Variants in CREB3L2 observed in about 807,000 individuals in gnomAD.
The protein encoded by CREB3L2 is cAMP responsive element binding protein 3 like 2, also known as cyclic AMP-responsive element-binding protein 3-like protein 2.
A neutral mutation model predicts 57.2 loss-of-function variants in CREB3L2; 23 were observed. The ratio of observed to expected loss-of-function variants is 0.40; its 90% CI spans 0.29 to 0.57. CREB3L2 has a LOEUF of 0.57. CREB3L2 is among the 20% of genes least tolerant of loss of function. The pLI is 0.42. For synonymous variants in CREB3L2, 268 were observed against 265.1 expected, an observed-to-expected ratio of 1.01 and a Z score of -0.11; for missense variants, 628 against 634.7, an observed-to-expected ratio of 0.99 and a Z score of 0.11.
At chr7:137,913,526 AAAG>A (rs1366640766) in intron 3 of CREB3L2, among the ~76,000 whole-genome samples, 1 of 151,596 alleles carries the variant, frequency 6.6e-6, no homozygotes, top group Non-Finnish European at 1.5e-5. Context: ...AAAAAAGAAA[AAAG>A]AAAAAAAAAG....
rs10534110 is a variant in CREB3L2, at chr7:137,876,331, CGTGTGTGTGTGTGTGTGTGTGTGTGT to C, written c.*4119_*4144del. ...TGAGCATGTAAGGGAGGAATGTGCA[CGTGTGTGTGTGTGTGTGTGTGTGTGT>C]GTGTGTGTGTGTCAGAGAGAGAAGA... On this transcript the variant is annotated 3_prime_UTR_variant, in exon 12 of 12. Coordinates refer to ENST00000330387, the MANE Select transcript of CREB3L2 (RefSeq NM_194071.4). The C allele has an allele frequency of 4.7e-6, 1 of 213,698 alleles. No individual in the cohort carries two copies. Among genetic ancestry groups the C allele is most frequent in the African/African-American group, 2.3e-5 (1 of 43,070 alleles). The allele number at this position is 213,698 out of a possible 1,614,324, so 13.2% of individuals were successfully genotyped here. A position where few individuals can be genotyped will look rare whatever the true frequency, so the allele number is the denominator to read the frequency against.
rs115483214 is a variant in CREB3L2, at chr7:137,968,358, C to G, written c.102+33246G>C. The stretch of plus-strand genomic sequence containing the variant: ...TATTTCTCCCAACGCTATCCATCCC[C>G]CAGCCCCAGACTCCCCAACAGGCCC... On this transcript the variant is annotated intron_variant, in intron 1 of 11. Coordinates refer to ENST00000330387, the MANE Select transcript of CREB3L2 (RefSeq NM_194071.4). 5.2e-3 allele frequency among the ~76,000 whole-genome samples: 797 copies of G among 152,238 alleles called. 3 individuals carry two copies. The highest frequency in any genetic ancestry group is 0.017 in the African/African-American group (712 of 41,544).
Position 137,882,702 on chromosome 7 carries a change from C to T in CREB3L2, c.1271-74G>A, listed in dbSNP as rs145304675. The stretch of plus-strand genomic sequence containing the variant: ...CCAACACATTCCCTCACTCCAGGTG[C>T]TCAGGGCTGGTGGCAGATGACAATG... On this transcript the variant is annotated intron_variant, in intron 10 of 11. Coordinates refer to ENST00000330387, the MANE Select transcript of CREB3L2 (RefSeq NM_194071.4). The T allele has an allele frequency of 9.3e-3, 9,817 of 1,055,736 alleles. 76 individuals are homozygous for T. The highest frequency in any genetic ancestry group is 0.016 in the South Asian group (890 of 54,868). The allele number at this position is 1,055,736 out of a possible 1,614,324, so 65.4% of individuals were successfully genotyped here.
At chr7:137,906,728 T>C (rs537683356) in intron 5 of CREB3L2, among the ~76,000 whole-genome samples, 2 of 152,332 alleles carry the variant, frequency 1.3e-5, no homozygotes, top group East Asian at 3.9e-4. Context: ...GGGGTGAGTC[T>C]TTCCCATGCT....
At chr7:137,908,125 A>C in intron 5 of CREB3L2, 127 bp downstream of exon 5, 1 of 620,010 alleles carries the variant, frequency 1.6e-6, no homozygotes, top group Non-Finnish European at 2.4e-6. Context: ...TGCTTTCGCC[A>C]TTAAGCAGAA....
intron 11 of CREB3L2, among the ~76,000 whole-genome samples, chr7:137,881,580 T>C (rs577056146): frequency 6.6e-6 from 1 of 152,348 alleles, no homozygotes; most frequent in Non-Finnish European, 1.5e-5. Flanking sequence ...TACTTCATTA[T>C]AAACCTTCCC....
At chr7:137,889,787 CT>C (rs1234710103) in intron 8 of CREB3L2, among the ~76,000 whole-genome samples, 2 of 152,188 alleles carry the variant, frequency 1.3e-5, no homozygotes, top group Non-Finnish European at 1.5e-5. Flanking sequence ...AGAAACACTC[CT>C]TTTCATCATA....
chr7:137,923,894 A>C (rs1800388983), intron 2 of CREB3L2, among the ~76,000 whole-genome samples: 1 of 152,190 alleles, frequency 6.6e-6, no homozygotes, highest in Admixed American at 6.5e-5. Context: ...GCTCCAAAAA[A>C]TGTGATCCTA....
At position 137,878,785 on chromosome 7, in the gene CREB3L2, C is replaced by T. The variant is rs1335818340; in HGVS notation, c.*1691G>A. On this transcript the variant is annotated 3_prime_UTR_variant, in exon 12 of 12. Coordinates refer to ENST00000330387, the MANE Select transcript of CREB3L2 (RefSeq NM_194071.4). ...GGGCCTAGACAGACAAGGCAGGGAC[C>T]GACTTATGAGGTATGACGACAAATG... is the stretch of plus-strand genomic sequence containing the variant. The T allele has an allele frequency of 1.2e-5, 3 of 248,912 alleles. No homozygotes were observed. The highest frequency in any genetic ancestry group is 1.3e-4 in the South Asian group (1 of 7,936). 15.4% of individuals were successfully genotyped at this position (248,912 alleles called of 1,614,324 possible).
chr7:137,907,470 T>A (rs56206871), intron 5 of CREB3L2, among the ~76,000 whole-genome samples: 12,022 of 152,154 alleles, frequency 0.079, 1,142 homozygotes, highest in African/African-American at 0.23. Context: ...ACGATGAAAT[T>A]TAAGAATGTG....
chr7:137,990,997 C>A (rs1801883663), intron 1 of CREB3L2, among the ~76,000 whole-genome samples: 1 of 151,984 alleles, frequency 6.6e-6, no homozygotes, highest in Admixed American at 6.6e-5. Context: ...TCTGTTTTTC[C>A]ATTCTTTATT....
intron 1 of CREB3L2, among the ~76,000 whole-genome samples, chr7:137,963,012 T>C (rs1277352248): frequency 6.6e-6 from 1 of 152,210 alleles, no homozygotes; most frequent in Non-Finnish European, 1.5e-5. Flanking sequence ...ATCCCAGCAG[T>C]CCCTCTCAGC....
intron 7 of CREB3L2, among the ~76,000 whole-genome samples, chr7:137,902,400 A>T (rs755009143): frequency 1.3e-5 from 2 of 152,122 alleles, no homozygotes; most frequent in Non-Finnish European, 1.5e-5. Flanking sequence ...ACCAGGACTG[A>T]TAAGAAGTGA....
chr7:137,884,984 T>C lies in CREB3L2; in HGVS notation c.1270+11A>G. On this transcript the variant is annotated intron_variant, in intron 10 of 11. Coordinates refer to ENST00000330387, the MANE Select transcript of CREB3L2 (RefSeq NM_194071.4). Reference sequence around the variant, plus strand: ...ACAAGACCCTGCCCAACTTGCCACATGCTGTCTTACCCACGGAGGCTGTGT... The same window carrying C: ...ACAAGACCCTGCCCAACTTGCCACACGCTGTCTTACCCACGGAGGCTGTGT... The C allele has an allele frequency of 1.2e-6, 2 of 1,614,140 alleles. No homozygotes were observed. The highest frequency in any genetic ancestry group is 1.7e-6 in the Non-Finnish European group (2 of 1,180,016).
chr7:137,955,665 TA>T (rs1352879543), intron 1 of CREB3L2, among the ~76,000 whole-genome samples: 1 of 152,086 alleles, frequency 6.6e-6, no homozygotes, highest in Non-Finnish European at 1.5e-5. Flanking sequence ...ACTGAAATAT[TA>T]CCAATAAAAC....
chr7:137,936,923 C>T (rs546724531), intron 1 of CREB3L2, among the ~76,000 whole-genome samples: 1 of 152,154 alleles, frequency 6.6e-6, no homozygotes, highest in African/African-American at 2.4e-5. Flanking sequence ...TTCTGCCTCC[C>T]GGGTTTGTTT....
Position 138,002,038 on chromosome 7 carries a change from C to T in CREB3L2, c.-333G>A. ...CCCTTAGCCGCAAGCCCACTTGCCG[C>T]TACGGCTCCAGACACAAACTTTGAG... On this transcript the variant is annotated 5_prime_UTR_variant, in exon 1 of 12. Coordinates refer to ENST00000330387, the MANE Select transcript of CREB3L2 (RefSeq NM_194071.4). The T allele has an allele frequency of 3.1e-6, 1 of 319,966 alleles. No homozygotes were observed. The highest frequency in any genetic ancestry group is 5.8e-6 in the Non-Finnish European group (1 of 171,526). The allele number at this position is 319,966 out of a possible 1,614,324, so 19.8% of individuals were successfully genotyped here.
chr7:137,909,487 A>C (rs1208388741), intron 4 of CREB3L2, among the ~76,000 whole-genome samples: 1 of 152,190 alleles, frequency 6.6e-6, no homozygotes, highest in African/African-American at 2.4e-5. Context: ...AGCCACTGCT[A>C]CTGAGCCAAG....
intron 8 of CREB3L2, among the ~76,000 whole-genome samples, chr7:137,889,850 C>T (rs1164138483): frequency 6.6e-6 from 1 of 152,076 alleles, no homozygotes; most frequent in African/African-American, 2.4e-5. Flanking sequence ...ACTTGAGTTC[C>T]AAGAACTACA....
Sources: allele counts gnomAD v4.1 joint callset (sites outside exome capture counted in the v4.1 genomes callset), GRCh38; gene constraint gnomAD v4.1.1; transcripts MANE v1.5; gene names NCBI Gene and HGNC (gene_info 2026-07-23, HGNC 2026-07-21).